ZFHX4: variants seen among roughly 807,000 people sequenced by gnomAD.
ZFHX4 encodes zinc finger homeobox 4, also known as zinc finger homeobox protein 4.
Under a neutral mutation model 267.6 loss-of-function variants are expected in ZFHX4, and 56 were observed. That is an observed-to-expected ratio of 0.21 (90% CI 0.17 to 0.26). The LOEUF is 0.26. Among genes scored for constraint, ZFHX4 ranks in the 10% least tolerant of loss-of-function variants. The pLI is 1.00. For missense variants in ZFHX4, 4,332 were observed against 4,420.0 expected, an observed-to-expected ratio of 0.98 and a Z score of 0.56; for synonymous variants, 1,778 against 1,665.6, an observed-to-expected ratio of 1.07 and a Z score of -1.64.
Position 76,849,664 on chromosome 8 carries a change from G to A in ZFHX4, c.3798G>A (p.Thr1266=), listed in dbSNP as rs1473438653. 6 of 1,613,744 alleles carry A rather than the reference G, an allele frequency of 3.7e-6. No homozygotes were observed. The highest frequency in any genetic ancestry group is 2.2e-5 in the East Asian group (1 of 44,846). ...SNKMHLQLHL[T]HLHSVSPDCV... ...AAATGCATCTCCAACTGCATCTGAC[G>A]CATTTGCACAGTGTGTCTCCAGACT... Residue 1266 remains threonine, a synonymous_variant, in exon 8 of 11, where the codon ACG becomes ACA. Transcript: ENST00000651372.
chr8:76,854,203 G>A lies in ZFHX4; in HGVS notation c.7282G>A (p.Ala2428Thr). Residue 2428 changes from alanine (A) to threonine (T), a missense_variant, in exon 10 of 11, where the codon GCC becomes ACC. This residue lies in a region of ZFHX4 where 1,648 missense variants were observed against 1,625.0 expected (regional missense o/e 1.01). Transcript: ENST00000651372. The part of the protein sequence containing the change: ...PSPPSQGTKP[A>T]LPLASTSSDP... Reference sequence around the variant, plus strand: ...TCCCCCTTCTCAAGGCACCAAACCAGCCCTGCCATTAGCATCGACTTCCTC... The same window carrying A: ...TCCCCCTTCTCAAGGCACCAAACCAACCCTGCCATTAGCATCGACTTCCTC... The A allele has an allele frequency of 6.4e-7, 1 of 1,563,638 alleles. No individual in the cohort carries two copies. The highest frequency in any genetic ancestry group is 8.7e-7 in the Non-Finnish European group (1 of 1,153,920).
chr8:76,864,665 T>C lies in ZFHX4; in HGVS notation c.*100T>C. ...TTCCAAAGCTTCTCTAACCCAAAAA[T>C]TACAGTACCAAATGATTGACTCAGG... On this transcript the variant is annotated 3_prime_UTR_variant, in exon 11 of 11. Coordinates refer to ENST00000651372, the MANE Select transcript of ZFHX4 (RefSeq NM_024721.5). The C allele has an allele frequency of 1.2e-6, 1 of 815,578 alleles. No individual in the cohort carries two copies. The highest frequency in any genetic ancestry group is 1.8e-6 in the Non-Finnish European group (1 of 542,486). The allele number at this position is 815,578 out of a possible 1,614,324, so 50.5% of individuals were successfully genotyped here.
intron 3 of ZFHX4, among the ~76,000 whole-genome samples, chr8:76,741,134 A>G (rs1454280005): frequency 6.6e-6 from 1 of 152,112 alleles, no homozygotes; most frequent in Non-Finnish European, 1.5e-5. Context: ...ACTAAGGAAA[A>G]CCTGCTAGGA....
chr8:76,735,020 A>T (rs2131669967), intron 3 of ZFHX4, among the ~76,000 whole-genome samples: 1 of 152,312 alleles, frequency 6.6e-6, no homozygotes, highest in South Asian at 2.1e-4. Flanking sequence ...AGATTTCTAG[A>T]GGAACCAAGT....
chr8:76,686,804 C>T (rs1807703242), intron 1 of ZFHX4, among the ~76,000 whole-genome samples: 1 of 152,106 alleles, frequency 6.6e-6, no homozygotes, highest in African/African-American at 2.4e-5. Context: ...TTTCCTTATC[C>T]CTGGTCTCTA....
In ZFHX4 at chr8:76,815,506, A is replaced by T. The variant is rs534441531; in HGVS notation, c.3326-17832A>T. Among the ~76,000 whole-genome samples the T allele has an allele frequency of 1.1e-4, 17 of 151,866 alleles. No homozygotes were observed. The East Asian group carries it at 3.3e-3, about 29-fold the overall frequency. ...CTCTGCATTTTATTTTTTTAAATTTATTTATTTATTTTTGAGACAAGGTCT... is the reference window on the plus strand; with the variant it reads ...CTCTGCATTTTATTTTTTTAAATTTTTTTATTTATTTTTGAGACAAGGTCT... On this transcript the variant is annotated intron_variant, in intron 4 of 10. Transcript: ENST00000651372.
At chr8:76,833,279 C>T in intron 4 of ZFHX4, 59 bp from the exon 5 acceptor site, 1 of 1,468,936 alleles carries the variant, frequency 6.8e-7, no homozygotes. Context: ...TAATATTAGC[C>T]ATGATGAGAG....
chr8:76,719,151 T>C (rs1808654185), intron 3 of ZFHX4, among the ~76,000 whole-genome samples: 1 of 55,910 alleles, frequency 1.8e-5, no homozygotes, highest in Non-Finnish European at 2.7e-5. Context: ...ATGAATTGCA[T>C]GTGTGTGTGT....
At chr8:76,749,942 C>A (rs775593249) in intron 3 of ZFHX4, among the ~76,000 whole-genome samples, 2 of 152,112 alleles carry the variant, frequency 1.3e-5, no homozygotes, top group African/African-American at 4.8e-5. Context: ...CAAATGCATG[C>A]TATTTCAAAG....
At chr8:76,738,240 A>C (rs754799115) in intron 3 of ZFHX4, among the ~76,000 whole-genome samples, 3 of 152,114 alleles carry the variant, frequency 2.0e-5, no homozygotes, top group Non-Finnish European at 4.4e-5. Flanking sequence ...TGCCCCCATT[A>C]AGATCCTGAG....
At chr8:76,794,105 A>T (rs1351182502) in intron 4 of ZFHX4, among the ~76,000 whole-genome samples, 3 of 152,176 alleles carry the variant, frequency 2.0e-5, no homozygotes, top group African/African-American at 7.2e-5. Flanking sequence ...TATTAAAAGC[A>T]GAACTTTACA....
chr8:76,807,525 A>T (rs150324376), intron 4 of ZFHX4, among the ~76,000 whole-genome samples: 1 of 152,220 alleles, frequency 6.6e-6, no homozygotes, highest in East Asian at 1.9e-4. Context: ...AGCTCTGTAT[A>T]GTGAAGAATA....
intron 3 of ZFHX4, among the ~76,000 whole-genome samples, chr8:76,749,471 A>C (rs1218778490): frequency 6.6e-6 from 1 of 152,140 alleles, no homozygotes; most frequent in Non-Finnish European, 1.5e-5. Context: ...TCTTGATGAG[A>C]TGTTCAGAAC....
At chr8:76,780,479 A>G (rs930692142) in intron 4 of ZFHX4, among the ~76,000 whole-genome samples, 1 of 152,186 alleles carries the variant, frequency 6.6e-6, no homozygotes. Flanking sequence ...TTAATAACCT[A>G]TGCCATATCT....
At chr8:76,750,614 T>C (rs143822484) in intron 3 of ZFHX4, among the ~76,000 whole-genome samples, 211 of 152,308 alleles carry the variant, frequency 1.4e-3, no homozygotes, top group Non-Finnish European at 2.2e-3. Flanking sequence ...GTCTTTGTGA[T>C]ATTTTCCACT....
intron 3 of ZFHX4, among the ~76,000 whole-genome samples, chr8:76,757,669 G>C (rs1809799580): frequency 6.6e-6 from 1 of 152,218 alleles, no homozygotes; most frequent in Non-Finnish European, 1.5e-5. Flanking sequence ...AGTGTTTTAA[G>C]TTCCTGTAAA....
chr8:76,783,017 G>T (rs1343703444), intron 4 of ZFHX4, among the ~76,000 whole-genome samples: 1 of 152,022 alleles, frequency 6.6e-6, no homozygotes, highest in African/African-American at 2.4e-5. Flanking sequence ...ATTAGCAGAA[G>T]AGCATAGAAA....
At chr8:76,753,520 T>G (rs1046032331) in intron 3 of ZFHX4, among the ~76,000 whole-genome samples, 3 of 152,064 alleles carry the variant, frequency 2.0e-5, no homozygotes, top group African/African-American at 7.2e-5. Context: ...TTTTGCTACA[T>G]CTCTCTGCCC....
intron 4 of ZFHX4, among the ~76,000 whole-genome samples, chr8:76,812,233 C>T (rs887623971): frequency 6.6e-6 from 1 of 152,250 alleles, no homozygotes; most frequent in African/African-American, 2.4e-5. Context: ...ATAAATAATG[C>T]TTTAAAAATC....
Sources: allele counts gnomAD v4.1 joint callset (sites outside exome capture counted in the v4.1 genomes callset), GRCh38; gene constraint gnomAD v4.1.1; regional missense constraint gnomAD v4.1.1; transcripts MANE v1.5; gene names NCBI Gene and HGNC (gene_info 2026-07-23, HGNC 2026-07-21).